XPO5: variants seen among roughly 807,000 people sequenced by gnomAD.
XPO5 encodes exportin 5.
XPO5 carries 46 observed loss-of-function variants against 160.6 expected under a neutral mutation model. That is an observed-to-expected ratio of 0.29 (90% CI 0.23 to 0.37). XPO5 has a LOEUF of 0.37. Ranked by LOEUF, XPO5 falls within the 10% of genes least tolerant of loss-of-function variation. The probability of loss-of-function intolerance (pLI) is 1.00; values close to 1 mark genes in which losing one functional copy is unlikely to be tolerated. For missense variants in XPO5, 1,090 were observed against 1,463.9 expected (o/e 0.74, Z 4.17); for synonymous variants, 537 against 519.3 (o/e 1.03, Z -0.46).
chr6:43,525,588 G>A (rs1471164469), intron 28 of XPO5: 7 of 535,816 alleles, frequency 1.3e-5, no homozygotes, highest in Non-Finnish European at 2.0e-5. Context: ...GGCTTGGGGA[G>A]GCTAAACACC....
At chr6:43,524,434 AGGGGGTT>A (rs1274062680) in intron 31 of XPO5, 30 bp downstream of exon 31, 1 of 1,596,556 alleles carries the variant, frequency 6.3e-7, no homozygotes, top group Non-Finnish European at 8.5e-7. Context: ...TGATTTAAGA[AGGGGGTT>A]GGGAGCACTA....
chr6:43,523,795 G>C lies in XPO5; in HGVS notation c.*73C>G. 6.2e-7 allele frequency: 1 copy of C among 1,611,936 alleles called. No individual in the cohort carries two copies. The highest frequency in any genetic ancestry group is 1.3e-5 in the African/African-American group (1 of 74,990). On this transcript the variant is annotated 3_prime_UTR_variant, in exon 32 of 32. Coordinates refer to ENST00000265351, the MANE Select transcript of XPO5 (RefSeq NM_020750.3). ...GAAAGTGAGGTGGCAGTGCAAGAAG[G>C]GCCTAGAGATCGGCTACAAAGGGAA... is the stretch of plus-strand genomic sequence containing the variant.
At position 43,539,689 on chromosome 6, in the gene XPO5, G is replaced by A. The variant is rs140492665; in HGVS notation, c.2343-5682C>T. The A allele has an allele frequency of 6.9e-3, 5,525 of 802,154 alleles. 118 individuals are homozygous for A. The highest frequency in any genetic ancestry group is 0.015 in the Middle Eastern group (42 of 2,766). The allele number at this position is 802,154 out of a possible 1,614,324, so 49.7% of individuals were successfully genotyped here. On this transcript the variant is annotated intron_variant, in intron 20 of 31. Coordinates refer to ENST00000265351, the MANE Select transcript of XPO5 (RefSeq NM_020750.3). Reference sequence around the variant, plus strand: ...GGCCTCCAGGCCCCCCCACTGCACCGGCGTCATCCGCCATTTGGTGTTTTC... The same window carrying A: ...GGCCTCCAGGCCCCCCCACTGCACCAGCGTCATCCGCCATTTGGTGTTTTC...
intron 25 of XPO5, 64 bp downstream of exon 25, chr6:43,528,095 C>G (rs2127702702): frequency 6.6e-7 from 1 of 1,518,590 alleles, no homozygotes; most frequent in East Asian, 2.4e-5. Context: ...TGCCCGCTTC[C>G]TTTTCCCACC....
chr6:43,539,855 T>G (rs1233787351), intron 20 of XPO5, among the ~76,000 whole-genome samples: 1 of 152,272 alleles, frequency 6.6e-6, no homozygotes, highest in Non-Finnish European at 1.5e-5. Flanking sequence ...CTACTACCAA[T>G]ATAATTAATA....
chr6:43,541,671 T>C (rs1423683807), intron 20 of XPO5, among the ~76,000 whole-genome samples: 1 of 152,244 alleles, frequency 6.6e-6, no homozygotes, highest in Non-Finnish European at 1.5e-5. Context: ...ATACAACATA[T>C]GGCCTTTTGT....
At chr6:43,530,659 G>C in intron 23 of XPO5, 29 bp downstream of exon 23, 2 of 1,606,188 alleles carry the variant, frequency 1.2e-6, no homozygotes, top group Non-Finnish European at 1.7e-6. Context: ...CTGACCTTTT[G>C]GGTTATGTAG....
At chr6:43,543,932 C>T (rs1794839160) in intron 20 of XPO5, among the ~76,000 whole-genome samples, 1 of 152,178 alleles carries the variant, frequency 6.6e-6, no homozygotes, top group Non-Finnish European at 1.5e-5. Context: ...GCGCCTTGGC[C>T]TCTCACAGTG....
rs1449403532 is a variant in XPO5, at chr6:43,524,333, C to T, written c.3477+138G>A. On this transcript the variant is annotated intron_variant, in intron 31 of 31. Transcript: ENST00000265351. ...TACCACTGCACTCCAGCCTGGGCAA[C>T]AAGAGTGAAACCCCATCTCAAAAAA... The T allele has an allele frequency of 3.5e-6, 4 of 1,156,002 alleles. No homozygotes were observed. The East Asian group carries it at 1.1e-4, about 32-fold the overall frequency. The allele number at this position is 1,156,002 out of a possible 1,614,324, so 71.6% of individuals were successfully genotyped here.
chr6:43,567,466 T>C, intron 6 of XPO5, 112 bp from the exon 7 acceptor site: 1 of 951,064 alleles, frequency 1.1e-6, no homozygotes, highest in East Asian at 2.7e-5. Context: ...TTTTTAAGAA[T>C]ATACTCATGT....
At chr6:43,538,685 AT>A (rs1461778300) in intron 20 of XPO5, 1 of 421,484 alleles carries the variant, frequency 2.4e-6, no homozygotes, top group East Asian at 4.0e-5. Context: ...TAGGCCTATA[AT>A]TTTCCTCTTT....
At chr6:43,544,307 G>A (rs1218397602) in intron 20 of XPO5, 1 of 154,368 alleles carries the variant, frequency 6.5e-6, no homozygotes, top group East Asian at 1.9e-4. Flanking sequence ...TAGAAAATAG[G>A]AGTAGTAAAT....
rs777252973 is a variant in XPO5 at position 43,524,494 on chromosome 6, G to A, written c.3454C>T (p.Arg1152Cys). The change falls in exon 31 of 32, where the codon CGC becomes TGC. Residue 1152 changes from arginine to cysteine, a missense_variant. By Grantham distance (180) the Arg-to-Cys change is radical. Transcript: ENST00000265351. ...ADKRRKDQFKRLIAGCIGKPL... is the reference protein window; with the variant it reads ...ADKRRKDQFKCLIAGCIGKPL... Reference sequence around the variant, plus strand: ...ACCCCAATGCAACCAGCAATGAGGCGTTTGAATTGGTCCTTTCGGCGCTTG... The same window carrying A: ...ACCCCAATGCAACCAGCAATGAGGCATTTGAATTGGTCCTTTCGGCGCTTG... The A allele has an allele frequency of 4.3e-6, 7 of 1,613,760 alleles. No individual in the cohort carries two copies. Among genetic ancestry groups the A allele is most frequent in the Non-Finnish European group, 5.9e-6 (7 of 1,179,886 alleles).
Position 43,526,681 on chromosome 6 carries a change from T to A in XPO5, c.2983+4A>T. On this transcript the variant is annotated splice_donor_region_variant and intron_variant, in intron 27 of 31. Transcript: ENST00000265351. ...GAACTCCAAGGTCTCACAGGCTCACTTACCGTCTCCATCTGCTGGGGGAGC... is the reference window on the plus strand; with the variant it reads ...GAACTCCAAGGTCTCACAGGCTCACATACCGTCTCCATCTGCTGGGGGAGC... 6.2e-7 allele frequency: 1 copy of A among 1,613,882 alleles called. No homozygotes were observed. The highest frequency in any genetic ancestry group is 8.5e-7 in the Non-Finnish European group (1 of 1,179,838).
Position 43,548,350 on chromosome 6 carries a change from G to A in XPO5, c.1971C>T (p.Asn657=), listed in dbSNP as rs757818213. 4 of 1,613,552 alleles carry A rather than the reference G, an allele frequency of 2.5e-6. No homozygotes were observed. The highest frequency in any genetic ancestry group is 2.5e-6 in the Non-Finnish European group (3 of 1,179,694). ...TCTGACGCTCGTAGTTCTTAAATTG[G>A]TTGCTAATGAGAACCAGGGCTTCCA... The part of the protein sequence containing the change: ...ALMEALVLIS[N]QFKNYERQKV... Residue 657 remains asparagine, a synonymous_variant, in exon 18 of 32, where the codon AAC becomes AAT. Transcript: ENST00000265351.
In XPO5 at chr6:43,573,472, C is replaced by T. The variant is rs754674947; in HGVS notation, c.227+8G>A. ...AGACTTCAGTGGTAATGTCCAAGAG[C>T]TCCTTACTTGACAACGTGTTCCAGG... On this transcript the variant is annotated splice_region_variant and intron_variant, in intron 2 of 31. Coordinates refer to ENST00000265351, the MANE Select transcript of XPO5 (RefSeq NM_020750.3). 1.2e-6 allele frequency: 2 copies of T among 1,612,664 alleles called. No individual in the cohort carries two copies. The highest frequency in any genetic ancestry group is 1.1e-5 in the South Asian group (1 of 91,056).
intron 13 of XPO5, among the ~76,000 whole-genome samples, chr6:43,554,178 C>T (rs980663803): frequency 1.3e-5 from 2 of 152,288 alleles, no homozygotes; most frequent in East Asian, 3.9e-4. Context: ...GAGATCTCGG[C>T]TCACTGCAAC....
intron 13 of XPO5, 92 bp from the exon 14 acceptor site, chr6:43,553,595 G>A: frequency 1.4e-6 from 2 of 1,471,726 alleles, no homozygotes; most frequent in South Asian, 1.3e-5. Flanking sequence ...AGACAATGGA[G>A]CCTTAGAGAA....
Position 43,524,965 on chromosome 6 carries a change from G to C in XPO5, c.3178C>G (p.Leu1060Val), listed in dbSNP as rs1239156633. The change falls in exon 30 of 32, where the codon CTG becomes GTG. Residue 1060 changes from leucine (L) to valine (V), a missense_variant. By Grantham distance (32) the Leu-to-Val change is conservative. This residue lies in a region of XPO5 where 810 missense variants were observed against 1,139.0 expected (regional missense o/e 0.71). Coordinates refer to ENST00000265351, the MANE Select transcript of XPO5 (RefSeq NM_020750.3). ...GCATCTGCGAGCAGTGTCCCTGACA[G>C]CACCTGGGGAGACAACTGTGCTTTA... Reference protein sequence around the residue: ...QLCWPLLKQVLSGTLLADAVT... With the variant: ...QLCWPLLKQVVSGTLLADAVT... The C allele has an allele frequency of 6.2e-7, 1 of 1,612,978 alleles. No individual in the cohort carries two copies. The highest frequency in any genetic ancestry group is 2.2e-5 in the East Asian group (1 of 44,882).
Sources: allele counts gnomAD v4.1 joint callset (sites outside exome capture counted in the v4.1 genomes callset), GRCh38; gene constraint gnomAD v4.1.1; regional missense constraint gnomAD v4.1.1; transcripts MANE v1.5; gene names NCBI Gene and HGNC (gene_info 2026-07-23, HGNC 2026-07-21).